Variants in TEX2 observed in about 807,000 individuals in gnomAD.
TEX2 encodes testis expressed 2.
In TEX2, 53 loss-of-function variants were observed where a neutral mutation model predicts 106.9. The ratio of observed to expected loss-of-function variants is 0.50; its 90% CI spans 0.40 to 0.62. TEX2 has a LOEUF of 0.62. TEX2 is among the 20% of genes least tolerant of loss of function. The pLI is 0.00. For synonymous variants in TEX2, 523 were observed against 534.8 expected (o/e 0.98, Z 0.30); for missense variants, 1,207 against 1,379.0 (o/e 0.88, Z 1.98).
rs576698446 is a variant in TEX2, at chr17:64,171,689, TACA to T, written c.2572-493_2572-491del. Reference sequence around the variant, plus strand: ...CTCTCAGTGGGTAGTAAGAAACTGCTACAACAAGGTCAGGTGCGGTGGCTCATG... The same window carrying T: ...CTCTCAGTGGGTAGTAAGAAACTGCTACAAGGTCAGGTGCGGTGGCTCATG... On this transcript the variant is annotated intron_variant, in intron 6 of 11. Transcript: ENST00000584379. Among the ~76,000 whole-genome samples, 56 of 152,222 alleles carry T rather than the reference TACA, an allele frequency of 3.7e-4. 1 individual carries two copies. The South Asian group carries it at 0.012, about 32-fold the overall frequency.
chr17:64,160,867 T>A lies in TEX2; in HGVS notation c.2738A>T (p.Asn913Ile). Residue 913 changes from asparagine to isoleucine, a missense_variant, in exon 8 of 12, where the codon AAT (asparagine) becomes ATT (isoleucine). Around this residue, in one of 3 missense-constraint regions of TEX2, gnomAD observed 1,067 missense variants for 1,193.6 expected, o/e 0.89. Transcript: ENST00000584379. ...SFLMTLETKM[N>I]LTKLGKEPLV... is the part of the protein sequence containing the mutation. Reference sequence around the variant, plus strand: ...AGGCTCTTTACCTAGTTTGGTCAAATTCATTTTGGTCTCGAGAGTCATCAG... The same window carrying A: ...AGGCTCTTTACCTAGTTTGGTCAAAATCATTTTGGTCTCGAGAGTCATCAG... 1 of 1,614,158 alleles carries A rather than the reference T, an allele frequency of 6.2e-7. No individual in the cohort carries two copies. Among genetic ancestry groups the A allele is most frequent in the Non-Finnish European group, 8.5e-7 (1 of 1,180,004 alleles).
intron 1 of TEX2, among the ~76,000 whole-genome samples, chr17:64,226,822 T>C (rs1490680919): frequency 1.3e-5 from 2 of 151,986 alleles, no homozygotes; most frequent in Non-Finnish European, 2.9e-5. Flanking sequence ...ACTAGAAAAT[T>C]AGTAAAAACT....
chr17:64,176,083 C>T lies in TEX2; in HGVS notation c.2571+1242G>A, dbSNP rs138507156. ...CTGGCTAGCAGAAGCACGTTCAACC[C>T]TCAAACTACCTCAGGAACACAAACA... On this transcript the variant is annotated intron_variant, in intron 6 of 11. Transcript: ENST00000584379. Among the ~76,000 whole-genome samples the T allele has an allele frequency of 8.3e-3, 1,262 of 152,304 alleles. 6 individuals carry two copies. Among genetic ancestry groups the T allele is most frequent in the African/African-American group, 0.014 (576 of 41,566 alleles).
chr17:64,259,095 C>G (rs1454197766), intron 1 of TEX2, among the ~76,000 whole-genome samples: 2 of 152,180 alleles, frequency 1.3e-5, no homozygotes, highest in African/African-American at 4.8e-5. Context: ...TGACGCGCAG[C>G]TGGTATCCTG....
At chr17:64,209,953 T>C (rs80353711) in intron 2 of TEX2, among the ~76,000 whole-genome samples, 376 of 152,272 alleles carry the variant, frequency 2.5e-3, no homozygotes, top group African/African-American at 7.5e-3. Context: ...AGTGATTGGA[T>C]TGACACTAAG....
chr17:64,239,659 T>C (rs1598217764), intron 1 of TEX2, among the ~76,000 whole-genome samples: 1 of 152,042 alleles, frequency 6.6e-6, no homozygotes, highest in Non-Finnish European at 1.5e-5. Flanking sequence ...GCAGATCACC[T>C]GAGGTCAGGA....
chr17:64,245,979 T>A (rs2033980768), intron 1 of TEX2, among the ~76,000 whole-genome samples: 1 of 152,134 alleles, frequency 6.6e-6, no homozygotes, highest in Non-Finnish European at 1.5e-5. Context: ...AATAAAGAGA[T>A]CCGGTTTCTT....
chr17:64,253,182 C>T (rs1397770455), intron 1 of TEX2, among the ~76,000 whole-genome samples: 1 of 152,120 alleles, frequency 6.6e-6, no homozygotes, highest in Non-Finnish European at 1.5e-5. Context: ...CTCTGTCACC[C>T]AGGCTGGATG....
At chr17:64,228,750 C>A (rs1555634213) in intron 1 of TEX2, among the ~76,000 whole-genome samples, 1 of 152,164 alleles carries the variant, frequency 6.6e-6, no homozygotes, top group African/African-American at 2.4e-5. Context: ...TGGTTTAGAA[C>A]GTATCTTTCC....
intron 4 of TEX2, among the ~76,000 whole-genome samples, chr17:64,192,124 C>T (rs372980000): frequency 6.6e-5 from 10 of 152,306 alleles, no homozygotes; most frequent in African/African-American, 2.4e-4. Flanking sequence ...GAGAGCTAGG[C>T]AGTGCCTGGT....
At chr17:64,211,051 C>T (rs1555631469) in intron 2 of TEX2, among the ~76,000 whole-genome samples, 1 of 152,044 alleles carries the variant, frequency 6.6e-6, no homozygotes, top group African/African-American at 2.4e-5. Context: ...AGCCTCAGCC[C>T]CCAGGCCCAA....
chr17:64,211,367 G>A (rs903209311), intron 2 of TEX2, among the ~76,000 whole-genome samples: 1 of 152,206 alleles, frequency 6.6e-6, no homozygotes, highest in African/African-American at 2.4e-5. Flanking sequence ...GGATGGTTAT[G>A]AAGCTGAATT....
At chr17:64,171,241 C>G in intron 6 of TEX2, 42 bp from the exon 7 acceptor site, 1 of 1,527,770 alleles carries the variant, frequency 6.5e-7, no homozygotes, top group African/African-American at 1.4e-5. Flanking sequence ...CCATGAGCAA[C>G]CTACAAAACA....
intron 7 of TEX2, among the ~76,000 whole-genome samples, chr17:64,168,856 T>C (rs1027503658): frequency 2.0e-5 from 3 of 148,710 alleles, no homozygotes; most frequent in African/African-American, 7.5e-5. Context: ...TGTACACTGA[T>C]GGAGTGAAGA....
chr17:64,240,877 G>C (rs2033875001), intron 1 of TEX2, among the ~76,000 whole-genome samples: 1 of 152,180 alleles, frequency 6.6e-6, no homozygotes, highest in African/African-American at 2.4e-5. Flanking sequence ...TGGGACTCTG[G>C]AGTAATAGGA....
intron 2 of TEX2, among the ~76,000 whole-genome samples, chr17:64,206,304 A>C (rs1459044074): frequency 6.6e-6 from 1 of 152,164 alleles, no homozygotes; most frequent in African/African-American, 2.4e-5. Context: ...CCTTGAGCTA[A>C]CCTGCCCAGC....
rs2143669882 is a variant in TEX2 at position 64,162,630 on chromosome 17, T to G, written c.2672-1697A>C. Among the ~76,000 whole-genome samples, 2 of 152,352 alleles carry G rather than the reference T, an allele frequency of 1.3e-5. 1 individual carries two copies. Among genetic ancestry groups the G allele is most frequent in the South Asian group, 4.1e-4 (2 of 4,826 alleles). ...TTAGGCTTAGTAAACTGCTGGCTCATGCCCAGTCACGGGGACATTCTACCA... is the reference window on the plus strand; with the variant it reads ...TTAGGCTTAGTAAACTGCTGGCTCAGGCCCAGTCACGGGGACATTCTACCA... On this transcript the variant is annotated intron_variant, in intron 7 of 11. Transcript: ENST00000584379.
Position 64,149,305 on chromosome 17 carries a change from G to C in TEX2, c.3262-214C>G, listed in dbSNP as rs2030222592. ...GATACGAGAATCCTCTAATATATCA[G>C]CTCGGAGGCAGAAGTGGCCTTTGAT... On this transcript the variant is annotated intron_variant, in intron 11 of 11. Transcript: ENST00000584379. 2.1e-5 allele frequency: 11 copies of C among 524,258 alleles called. No individual in the cohort carries two copies. The South Asian group carries it at 2.6e-4, about 12-fold the overall frequency. 32.5% of individuals were successfully genotyped at this position (524,258 alleles called of 1,614,324 possible).
At chr17:64,262,632 G>A (rs1046914226) in intron 1 of TEX2, among the ~76,000 whole-genome samples, 1 of 152,198 alleles carries the variant, frequency 6.6e-6, no homozygotes, top group Non-Finnish European at 1.5e-5. Flanking sequence ...CCCGGATTTC[G>A]GCACGCCGCC....
Sources: gnomAD v4.1 joint callset for allele counts (sites outside exome capture counted in the v4.1 genomes callset) on GRCh38, gnomAD v4.1.1 for gene constraint, gnomAD v4.1.1 regional missense constraint, MANE v1.5 for transcripts, NCBI Gene and HGNC (gene_info 2026-07-23, HGNC 2026-07-21) for gene names.